Variants in PTPRD observed in about 807,000 individuals in gnomAD.
PTPRD encodes the protein protein tyrosine phosphatase receptor type D.
Under a neutral mutation model 214.5 loss-of-function variants are expected in PTPRD, and 34 were observed. That is an observed-to-expected ratio of 0.16 (90% confidence interval 0.12 to 0.21). The LOEUF is 0.21. Ranked by LOEUF, PTPRD falls within the 10% of genes least tolerant of loss-of-function variation. The probability of loss-of-function intolerance (pLI) is 1.00; values close to 1 mark genes in which losing one functional copy is unlikely to be tolerated. For synonymous variants in PTPRD, 1,128 were observed against 845.7 expected, an observed-to-expected ratio of 1.33 and a Z score of -5.79; for missense variants, 2,545 against 2,398.7, an observed-to-expected ratio of 1.06 and a Z score of -1.27.
At chr9:9,369,035 G>C (rs1346907197) in intron 9 of PTPRD, among the ~76,000 whole-genome samples, 2 of 151,990 alleles carry the variant, frequency 1.3e-5, no homozygotes, top group Admixed American at 1.3e-4. Flanking sequence ...CCTTGCGATA[G>C]TTTGCTGAGA....
At chr9:10,430,297 CTTTAA>C (rs957760967) in intron 2 of PTPRD, among the ~76,000 whole-genome samples, 43 of 151,712 alleles carry the variant, frequency 2.8e-4, no homozygotes, top group Non-Finnish European at 5.2e-4. Context: ...TTATTTTGTA[CTTTAA>C]TTTAAAAAAA....
chr9:9,100,361 T>C (rs1432776712), intron 10 of PTPRD, among the ~76,000 whole-genome samples: 3 of 152,168 alleles, frequency 2.0e-5, no homozygotes, highest in Admixed American at 6.5e-5. Flanking sequence ...TCCTAAGATA[T>C]ACTGATTTCT....
chr9:9,187,036 T>C (rs887434858), intron 9 of PTPRD, among the ~76,000 whole-genome samples: 1 of 151,860 alleles, frequency 6.6e-6, no homozygotes, highest in African/African-American at 2.4e-5. Flanking sequence ...GAAAAAGGTA[T>C]TTCAACAGAA....
intron 9 of PTPRD, among the ~76,000 whole-genome samples, chr9:9,231,916 G>A (rs189819401): frequency 6.6e-5 from 10 of 151,986 alleles, no homozygotes; most frequent in Admixed American, 1.3e-4. Context: ...TCTTTTGTTT[G>A]ATCTCTGTTT....
chr9:9,437,833 T>A (rs1021913580), intron 8 of PTPRD, among the ~76,000 whole-genome samples: 2 of 152,178 alleles, frequency 1.3e-5, no homozygotes, highest in African/African-American at 4.8e-5. Context: ...AGTCTGTCAG[T>A]CAACAAAGGT....
At chr9:9,942,029 G>T (rs2091591414) in intron 4 of PTPRD, among the ~76,000 whole-genome samples, 1 of 152,090 alleles carries the variant, frequency 6.6e-6, no homozygotes, top group South Asian at 2.1e-4. Context: ...ATTCCATTTT[G>T]TGACTAGGTA....
chr9:9,019,707 A>AAAC (rs930166808), intron 10 of PTPRD, among the ~76,000 whole-genome samples: 1 of 152,168 alleles, frequency 6.6e-6, no homozygotes, highest in Admixed American at 6.6e-5. Flanking sequence ...CTCCGTTTCA[A>AAAC]AACAACAACA....
chr9:10,509,579 A>ATATATATATATT (rs1402201904), intron 2 of PTPRD, among the ~76,000 whole-genome samples: 1 of 131,240 alleles, frequency 7.6e-6, no homozygotes, highest in Non-Finnish European at 1.6e-5. Flanking sequence ...ATATATATAT[A>ATATATATATATT]TTTTACTCAC....
rs1194876711 is a variant in PTPRD at position 10,569,518 on chromosome 9, TCTCTC to T, written c.-600+42875_-600+42879del. ...GTGTATATGCATGTCTCTCTCTCTCTCTCTCTCTCTCTCTGTGTGTATATATATAT... is the reference window on the plus strand; with the variant it reads ...GTGTATATGCATGTCTCTCTCTCTCTTCTCTCTCTGTGTGTATATATATAT... On this transcript the variant is annotated intron_variant, in intron 2 of 45. Transcript: ENST00000381196. Among the ~76,000 whole-genome samples the T allele has an allele frequency of 4.0e-3, 602 of 151,914 alleles. 4 individuals are homozygous for T. The highest frequency in any genetic ancestry group is 0.014 in the African/African-American group (571 of 41,506).
intron 37 of PTPRD, among the ~76,000 whole-genome samples, chr9:8,378,755 T>C (rs562411165): frequency 6.6e-6 from 1 of 152,166 alleles, no homozygotes; most frequent in Non-Finnish European, 1.5e-5. Context: ...CCAAATTCAA[T>C]ATAATTATAT....
At chr9:8,930,881 A>G (rs1036950417) in intron 11 of PTPRD, among the ~76,000 whole-genome samples, 1 of 152,152 alleles carries the variant, frequency 6.6e-6, no homozygotes. Context: ...AGATGAGTAG[A>G]TTGCAAAAAT....
intron 2 of PTPRD, among the ~76,000 whole-genome samples, chr9:10,410,591 G>T (rs574016033): frequency 1.3e-5 from 2 of 151,456 alleles, no homozygotes; most frequent in African/African-American, 4.8e-5. Context: ...TGTATTCATA[G>T]CTTCTTACAT....
chr9:10,481,777 C>T (rs1261868547), intron 2 of PTPRD, among the ~76,000 whole-genome samples: 2 of 151,938 alleles, frequency 1.3e-5, no homozygotes, highest in Non-Finnish European at 2.9e-5. Context: ...AGAGACAAAA[C>T]CGAAGAGCAG....
At chr9:8,517,732 C>A (rs2097808512) in intron 21 of PTPRD, 116 bp downstream of exon 21, 1 of 883,980 alleles carries the variant, frequency 1.1e-6, no homozygotes, top group Non-Finnish European at 1.7e-6. Context: ...CTTTGAAGCC[C>A]TAAATCTCAA....
At chr9:9,487,396 T>G (rs1004845842) in intron 8 of PTPRD, among the ~76,000 whole-genome samples, 2 of 152,196 alleles carry the variant, frequency 1.3e-5, no homozygotes, top group African/African-American at 4.8e-5. Context: ...GAACTCATCC[T>G]TTTTTATGGC....
chr9:10,374,112 C>G (rs980249822), intron 2 of PTPRD, among the ~76,000 whole-genome samples: 1 of 151,956 alleles, frequency 6.6e-6, no homozygotes. Flanking sequence ...AGTAGGAATC[C>G]TTAGGAAAGC....
chr9:10,288,060 A>G (rs2095417150), intron 3 of PTPRD, among the ~76,000 whole-genome samples: 1 of 151,230 alleles, frequency 6.6e-6, no homozygotes, highest in Non-Finnish European at 1.5e-5. Flanking sequence ...TGAATCAATT[A>G]AGAATTCAAA....
At chr9:9,098,494 C>A (rs1360216916) in intron 10 of PTPRD, among the ~76,000 whole-genome samples, 1 of 152,142 alleles carries the variant, frequency 6.6e-6, no homozygotes, top group Non-Finnish European at 1.5e-5. Context: ...AATGATCCAC[C>A]AGCCTCAGCC....
intron 8 of PTPRD, among the ~76,000 whole-genome samples, chr9:9,547,797 C>CACACAT (rs1032084203): frequency 2.2e-5 from 1 of 44,766 alleles, no homozygotes; most frequent in African/African-American, 1.4e-4. Flanking sequence ...AACACAAATT[C>CACACAT]ACACACACAC....
Sources: allele counts gnomAD v4.1 joint callset (sites outside exome capture counted in the v4.1 genomes callset), GRCh38; gene constraint gnomAD v4.1.1; transcripts MANE v1.5; gene names NCBI Gene and HGNC (gene_info 2026-07-23, HGNC 2026-07-21).